The following GCDH variants were observed in gnomAD, a reference collection of about 807,000 sequenced individuals.
The protein encoded by GCDH is glutaryl-CoA dehydrogenase, also known as glutaryl-CoA dehydrogenase, mitochondrial.
A neutral mutation model predicts 52.8 loss-of-function variants in GCDH; 31 were observed. The ratio of observed to expected loss-of-function variants is 0.59; its 90% CI spans 0.44 to 0.79. GCDH has a LOEUF of 0.79. Among genes scored for constraint, GCDH ranks in the 30% least tolerant of loss-of-function variants. The pLI is 0.00. For missense variants in GCDH, 509 were observed against 595.0 expected, an observed-to-expected ratio of 0.86 and a Z score of 1.50; for synonymous variants, 242 against 250.0, an observed-to-expected ratio of 0.97 and a Z score of 0.30.
Position 12,896,924 on chromosome 19 carries a change from C to T in GCDH, c.867C>T (p.Cys289=). 3 of 1,613,240 alleles carry T rather than the reference C, an allele frequency of 1.9e-6. No homozygotes were observed. The highest frequency in any genetic ancestry group is 2.5e-6 in the Non-Finnish European group (3 of 1,179,814). The part of the protein sequence containing the change: ...GASSLGGPFG[C]LNNARYGIAW... ...CAACCCTACAGGGTCCCTTCGGCTG[C>T]CTGAACAACGCCCGGTACGGCATCG... The change falls in exon 9 of 12, where the codon TGC becomes TGT. Residue 289 remains cysteine (C), a synonymous_variant. Transcript: ENST00000222214. The surrounding 1 kb of genome is among the most constrained non-coding windows in gnomAD (Gnocchi z 5.5).
At chr19:12,891,443 GT>G (rs1568424300) in intron 2 of GCDH, 43 bp from the exon 3 acceptor site, 1 of 1,614,236 alleles carries the variant, frequency 6.2e-7, no homozygotes, top group East Asian at 2.2e-5. Context: ...GGAACTGGGG[GT>G]TTAGGGACTT....
At position 12,897,294 on chromosome 19, in the gene GCDH, C is replaced by T; in HGVS notation, c.957-9C>T. On this transcript the variant is annotated splice_polypyrimidine_tract_variant and intron_variant, in intron 9 of 11. Coordinates refer to ENST00000222214, the MANE Select transcript of GCDH (RefSeq NM_000159.4). ...TCCCCTCGCTCTTACCCTGCCATTG[C>T]CCATGTAGGATGCAGTTTGGTGTCC... 6.2e-7 allele frequency: 1 copy of T among 1,613,602 alleles called. No individual in the cohort carries two copies. Among genetic ancestry groups the T allele is most frequent in the Non-Finnish European group, 8.5e-7 (1 of 1,179,978 alleles).
At position 12,899,724 on chromosome 19, in the gene GCDH, G is replaced by T. The variant is rs1278803470; in HGVS notation, c.*183G>T. 1 of 1,612,348 alleles carries T rather than the reference G, an allele frequency of 6.2e-7. No homozygotes were observed. Among genetic ancestry groups the T allele is most frequent in the East Asian group, 2.2e-5 (1 of 44,870 alleles). ...GTCGTTCAGATGTGTTCCTTAAAAA[G>T]AAGATGGAATTCTCTGTAGAGCGTC... On this transcript the variant is annotated 3_prime_UTR_variant, in exon 12 of 12. Transcript: ENST00000222214.
At position 12,893,611 on chromosome 19, in the gene GCDH, T is replaced by C. The variant is rs1482995062; in HGVS notation, c.463T>C (p.Tyr155His). 3 of 1,613,954 alleles carry C rather than the reference T, an allele frequency of 1.9e-6. No homozygotes were observed. Among genetic ancestry groups the C allele is most frequent in the Non-Finnish European group, 2.5e-6 (3 of 1,179,980 alleles). Reference protein sequence around the residue: ...SSLVMHPIYAYGSEEQRQKYL... With the variant: ...SSLVMHPIYAHGSEEQRQKYL... ...CCTCGTCATGCACCCTATCTATGCC[T>C]ATGGCAGCGAGGAACAGCGGCAGAA... The change falls in exon 6 of 12, where the codon TAT becomes CAT. Residue 155 changes from tyrosine to histidine, a missense_variant. Coordinates refer to ENST00000222214, the MANE Select transcript of GCDH (RefSeq NM_000159.4).
At chr19:12,894,491 G>A in intron 6 of GCDH, 1 of 720,804 alleles carries the variant, frequency 1.4e-6, no homozygotes, top group Admixed American at 1.8e-5. Flanking sequence ...AGGAGAGAAG[G>A]GTATTCCTGG....
chr19:12,898,215 G>GAT, intron 11 of GCDH: 6 of 367,422 alleles, frequency 1.6e-5, no homozygotes, highest in South Asian at 2.5e-5. Context: ...AGTGAGCGAA[G>GAT]CTACACGCAG....
At position 12,896,779 on chromosome 19, in the gene GCDH, A is replaced by T; in HGVS notation, c.853-131A>T. Reference sequence around the variant, plus strand: ...AGCTTCAGTGCCAGGGCCATCTGTGATGTGAACCACAACCTGAGTCCCCCT... The same window carrying T: ...AGCTTCAGTGCCAGGGCCATCTGTGTTGTGAACCACAACCTGAGTCCCCCT... On this transcript the variant is annotated intron_variant, in intron 8 of 11. Coordinates refer to ENST00000222214, the MANE Select transcript of GCDH (RefSeq NM_000159.4). The surrounding 1 kb of genome is among the most constrained non-coding windows in gnomAD (Gnocchi z 5.5). 1 of 717,828 alleles carries T rather than the reference A, an allele frequency of 1.4e-6. No homozygotes were observed. The allele number at this position is 717,828 out of a possible 1,614,324, so 44.5% of individuals were successfully genotyped here.
At chr19:12,894,182 A>C in intron 6 of GCDH, 1 of 1,578,136 alleles carries the variant, frequency 6.3e-7, no homozygotes. Context: ...AAACTCATTG[A>C]AGTGGACGAT....
At chr19:12,893,683 A>G in intron 6 of GCDH, 30 bp downstream of exon 6, 1 of 1,595,792 alleles carries the variant, frequency 6.3e-7, no homozygotes. Flanking sequence ...GCCTGGTGGA[A>G]GGAAGACAGT....
At chr19:12,897,048 G>A in intron 9 of GCDH, 35 bp downstream of exon 9, 1 of 1,543,942 alleles carries the variant, frequency 6.5e-7, no homozygotes, top group Non-Finnish European at 8.9e-7. Context: ...CTCTGGGGGT[G>A]TGGGGCAGCT....
chr19:12,896,847 G>T lies in GCDH; in HGVS notation c.853-63G>T. On this transcript the variant is annotated intron_variant, in intron 8 of 11. Transcript: ENST00000222214. The surrounding 1 kb of genome is among the most constrained non-coding windows in gnomAD (Gnocchi z 5.5). ...AGGAGGCTTTCCCTGCTTCAGAGTTGGTTCTGCATAGGCCCTCTTGGTGTC... is the reference window on the plus strand; with the variant it reads ...AGGAGGCTTTCCCTGCTTCAGAGTTTGTTCTGCATAGGCCCTCTTGGTGTC... 1 of 1,142,672 alleles carries T rather than the reference G, an allele frequency of 8.8e-7. No homozygotes were observed. The highest frequency in any genetic ancestry group is 1.3e-6 in the Non-Finnish European group (1 of 755,572). The allele number at this position is 1,142,672 out of a possible 1,614,324, so 70.8% of individuals were successfully genotyped here.
In GCDH at chr19:12,897,437, T is replaced by C. The variant is rs773400161; in HGVS notation, c.1082+9T>C. On this transcript the variant is annotated intron_variant, in intron 10 of 11. Transcript: ENST00000222214. ...TTGAAGGACCAGGACAAGTAGGGGC[T>C]GTGTGGTGGGGGCGGGGGGATGGCA... 5 of 1,609,594 alleles carry C rather than the reference T, an allele frequency of 3.1e-6. No homozygotes were observed. The highest frequency in any genetic ancestry group is 1.3e-5 in the African/African-American group (1 of 74,700).
intron 10 of GCDH, 22 bp downstream of exon 10, chr19:12,897,450 CG>C (rs1970711737): frequency 7.9e-7 from 1 of 1,271,846 alleles, no homozygotes; most frequent in East Asian, 2.5e-5. Flanking sequence ...GTGGTGGGGG[CG>C]GGGGGATGGC....
chr19:12,893,762 A>C, intron 6 of GCDH, 109 bp downstream of exon 6: 1 of 1,052,744 alleles, frequency 9.5e-7, no homozygotes, highest in South Asian at 1.3e-5. Flanking sequence ...CAAAGATAGC[A>C]TAAGTGGCCA....
In GCDH at chr19:12,896,204, G is replaced by A. The variant is rs398123195; in HGVS notation, c.636-1G>A. 1 of 1,614,056 alleles carries A rather than the reference G, an allele frequency of 6.2e-7. No homozygotes were observed. Among genetic ancestry groups the A allele is most frequent in the Non-Finnish European group, 8.5e-7 (1 of 1,180,034 alleles). On this transcript the variant is annotated splice_acceptor_variant, in intron 7 of 11. Coordinates refer to ENST00000222214, the MANE Select transcript of GCDH (RefSeq NM_000159.4). LOFTEE classifies it high-confidence loss of function. The surrounding 1 kb of genome is among the most constrained non-coding windows in gnomAD (Gnocchi z 5.5). Reference sequence around the variant, plus strand: ...CCCCTCACCGACTGTTCCATCCCCAGGATCACGAACTCGCCTATGGCCGAT... The same window carrying A: ...CCCCTCACCGACTGTTCCATCCCCAAGATCACGAACTCGCCTATGGCCGAT...
Position 12,896,370 on chromosome 19 carries a change from C to T in GCDH, c.801C>T (p.Asp267=), listed in dbSNP as rs141293881. Residue 267 remains aspartate (D), a synonymous_variant, in exon 8 of 12, where the codon GAC becomes GAT. Coordinates refer to ENST00000222214, the MANE Select transcript of GCDH (RefSeq NM_000159.4). The surrounding 1 kb of genome is among the most constrained non-coding windows in gnomAD (Gnocchi z 5.5). ...CAGCCACAGGCATGATCATCATGGA[C>T]GGTGTGGAGGTGCCAGAGGAGAATG... ...RASATGMIIM[D]GVEVPEENVL... The T allele has an allele frequency of 2.9e-4, 475 of 1,614,050 alleles. 2 individuals carry two copies. The South Asian group carries it at 3.5e-3, about 12-fold the overall frequency.
At chr19:12,894,078 T>C (rs1254096761) in intron 6 of GCDH, 5 of 764,982 alleles carry the variant, frequency 6.5e-6, no homozygotes, top group Non-Finnish European at 1.1e-5. Flanking sequence ...TGACCTGCGC[T>C]AAGTGGACGT....
In GCDH at chr19:12,893,654, G is replaced by A. The variant is rs968628450; in HGVS notation, c.505+1G>A. On this transcript the variant is annotated splice_donor_variant, in intron 6 of 11. Coordinates refer to ENST00000222214, the MANE Select transcript of GCDH (RefSeq NM_000159.4). LOFTEE classifies it high-confidence loss of function. ...CGGCAGAAGTACCTGCCCCAGCTGG[G>A]TGAGTGGCTGCCCATGGGGCCTGGT... is the stretch of plus-strand genomic sequence containing the variant. 6.2e-7 allele frequency: 1 copy of A among 1,613,332 alleles called. No individual in the cohort carries two copies. The highest frequency in any genetic ancestry group is 8.5e-7 in the Non-Finnish European group (1 of 1,179,486).
chr19:12,892,416 C>T (rs957733894), intron 5 of GCDH: 4 of 590,012 alleles, frequency 6.8e-6, no homozygotes, highest in Non-Finnish European at 1.2e-5. Flanking sequence ...CTCCACCCCT[C>T]TAGTAGCTGG....
Sources: allele counts gnomAD v4.1 joint callset, GRCh38; gene constraint gnomAD v4.1.1; non-coding constraint Gnocchi (gnomAD v3.1); transcripts MANE v1.5; gene names NCBI Gene and HGNC (gene_info 2026-07-23, HGNC 2026-07-21).